The following SNRPN variants were observed in gnomAD, a reference collection of about 807,000 sequenced individuals.
The protein encoded by SNRPN is small nuclear ribonucleoprotein-associated protein N.
A neutral mutation model predicts 25.2 loss-of-function variants in SNRPN; 7 were observed. The observed-to-expected ratio is 0.28, with a 90% confidence interval of 0.16 to 0.52. SNRPN has a LOEUF of 0.52. Ranked by LOEUF, SNRPN falls within the 20% of genes least tolerant of loss-of-function variation. The probability of loss-of-function intolerance (pLI) is 0.96; values close to 1 mark genes in which losing one functional copy is unlikely to be tolerated. For synonymous variants in SNRPN, 124 were observed against 110.6 expected, an observed-to-expected ratio of 1.12 and a Z score of -0.76; for missense variants, 196 against 322.5, an observed-to-expected ratio of 0.61 and a Z score of 3.00.
upstream of SNRPN, among the ~76,000 whole-genome samples, chr15:24,856,266 T>A (rs146248570): frequency 6.6e-6 from 1 of 152,198 alleles, no homozygotes; most frequent in African/African-American, 2.4e-5. Flanking sequence ...TCACTATTAC[T>A]GATGACACTT....
intron 1 of SNRPN, among the ~76,000 whole-genome samples, chr15:24,858,065 A>C (rs979817481): frequency 6.6e-6 from 1 of 152,118 alleles, no homozygotes; most frequent in Non-Finnish European, 1.5e-5. Flanking sequence ...AATAGATCTC[A>C]AGCACTGACT....
At chr15:24,960,326 T>C (rs1444637451) in intron 1 of SNRPN, among the ~76,000 whole-genome samples, 9 of 152,144 alleles carry the variant, frequency 5.9e-5, no homozygotes, top group Non-Finnish European at 1.5e-5. Flanking sequence ...TGGTGTCAGA[T>C]GGTGGCATTT....
upstream of SNRPN, among the ~76,000 whole-genome samples, chr15:24,855,506 A>G (rs922725380): frequency 6.6e-6 from 1 of 152,132 alleles, no homozygotes; most frequent in Admixed American, 6.5e-5. Context: ...ATGTTACTCT[A>G]GGGCCAGGCG....
At chr15:24,842,438 C>A (rs1240041039) in intron 2 of SNRPN, among the ~76,000 whole-genome samples, 1 of 152,160 alleles carries the variant, frequency 6.6e-6, no homozygotes, top group Non-Finnish European at 1.5e-5. Flanking sequence ...GAAGCCTAGG[C>A]TCCATTCTGA....
In SNRPN at chr15:24,929,153, GTATA is replaced by G. The variant is rs544255180; in HGVS notation, c.-391+9033_-391+9036del. Among the ~76,000 whole-genome samples the G allele has an allele frequency of 1.6e-3, 243 of 151,972 alleles. 2 individuals are homozygous for G. Among genetic ancestry groups the G allele is most frequent in the African/African-American group, 5.6e-3 (231 of 41,292 alleles). On this transcript the variant is annotated intron_variant, in intron 3 of 11. Coordinates refer to the SNRPN transcript ENST00000400097. The surrounding 1 kb of genome is among the most constrained non-coding windows in gnomAD (Gnocchi z 5.3). ...ATATGTATGTGACTATATGTATTGTGTATATATGTATGTAGCTATATGTGTGTAT... is the reference window on the plus strand; with the variant it reads ...ATATGTATGTGACTATATGTATTGTGTATGTATGTAGCTATATGTGTGTAT...
At chr15:24,907,402 CCTGA>C (rs1246046387) in intron 2 of SNRPN, among the ~76,000 whole-genome samples, 4 of 151,866 alleles carry the variant, frequency 2.6e-5, no homozygotes, top group Non-Finnish European at 4.4e-5. Flanking sequence ...TCGAGACCAT[CCTGA>C]CTAACATGGT....
chr15:24,880,807 G>A (rs995574335), intron 1 of SNRPN, among the ~76,000 whole-genome samples: 3 of 151,884 alleles, frequency 2.0e-5, no homozygotes, highest in Non-Finnish European at 4.4e-5. Context: ...GGAATGGCAT[G>A]ATCTTGGCTC....
intron 6 of SNRPN, 37 bp from the exon 7 acceptor site, chr15:24,976,840 A>G (rs2077118792): frequency 6.3e-7 from 1 of 1,587,538 alleles, no homozygotes; most frequent in Non-Finnish European, 8.6e-7. Context: ...GAACTTGTAA[A>G]TTGTTTGATT....
At chr15:24,882,584 T>G (rs998517178) in intron 1 of SNRPN, among the ~76,000 whole-genome samples, 10 of 151,996 alleles carry the variant, frequency 6.6e-5, no homozygotes, top group Admixed American at 2.0e-4. Flanking sequence ...TCCAGCACTT[T>G]GGGAGGCTGA....
chr15:24,882,878 T>C (rs2056857256), intron 1 of SNRPN, among the ~76,000 whole-genome samples: 2 of 151,122 alleles, frequency 1.3e-5, no homozygotes, highest in African/African-American at 4.9e-5. Flanking sequence ...ATATATCTAA[T>C]CTATTGAATA....
chr15:24,826,341 C>A (rs927931027), intron 1 of SNRPN, among the ~76,000 whole-genome samples: 19 of 152,200 alleles, frequency 1.2e-4, no homozygotes, highest in Non-Finnish European at 2.9e-5. Context: ...CCTTGCTGCT[C>A]CACAGCAGGG....
upstream of SNRPN, among the ~76,000 whole-genome samples, chr15:24,949,971 C>T (rs145697500): frequency 2.8e-3 from 420 of 151,648 alleles, 3 homozygotes; most frequent in African/African-American, 9.6e-3. Context: ...ACTAGAGGTG[C>T]ACACCACTAT....
At chr15:24,909,025 C>T in intron 2 of SNRPN, 1 of 1,425,356 alleles carries the variant, frequency 7.0e-7, no homozygotes, top group Non-Finnish European at 9.9e-7. Context: ...TGGGATGGTT[C>T]CACCTCTTCT....
intron 2 of SNRPN, among the ~76,000 whole-genome samples, chr15:24,889,098 A>G (rs910833549): frequency 3.3e-5 from 5 of 150,616 alleles, no homozygotes; most frequent in Non-Finnish European, 7.4e-5. Flanking sequence ...TTATATTTTT[A>G]ATAGAGACAG....
At position 24,864,689 on chromosome 15, in the gene SNRPN, C is replaced by G. The variant is rs4906925; in HGVS notation, c.-579+7973C>G. Among the ~76,000 whole-genome samples, 1,403 of 151,612 alleles carry G rather than the reference C, an allele frequency of 9.3e-3. 13 individuals are homozygous for G. Among genetic ancestry groups the G allele is most frequent in the Non-Finnish European group, 0.014 (945 of 67,908 alleles). ...TGCTTTGTTTTTAATAGATACATTT[C>G]CCCCCTATGCTCCCTCACTGCATTC... On this transcript the variant is annotated intron_variant, in intron 1 of 11. Coordinates refer to the SNRPN transcript ENST00000400097.
At chr15:24,906,420 A>G (rs1487919166) in intron 2 of SNRPN, among the ~76,000 whole-genome samples, 2 of 152,222 alleles carry the variant, frequency 1.3e-5, no homozygotes, top group African/African-American at 2.4e-5. Flanking sequence ...GACATGAGCC[A>G]CCGTACATGG....
In SNRPN at chr15:24,865,733, ATATCT is replaced by A. The variant is rs149595084; in HGVS notation, c.-579+9021_-579+9025del. Among the ~76,000 whole-genome samples, 793 of 152,200 alleles carry A rather than the reference ATATCT, an allele frequency of 5.2e-3. 6 individuals carry two copies. Among genetic ancestry groups the A allele is most frequent in the Middle Eastern group, 0.02 (6 of 294 alleles). ...GGCCTTAGGTCTTATTTATAATTTG[ATATCT>A]TATTGCCACCAAGAAGAGTTCATTC... On this transcript the variant is annotated intron_variant, in intron 1 of 11. Transcript: ENST00000400097.
At chr15:24,932,016 G>A (rs1258483277) in intron 3 of SNRPN, among the ~76,000 whole-genome samples, 3 of 152,030 alleles carry the variant, frequency 2.0e-5, no homozygotes, top group South Asian at 4.1e-4. Context: ...AACTGGTGCT[G>A]TTTGAAGTTA....
intron 1 of SNRPN, among the ~76,000 whole-genome samples, chr15:24,864,000 T>TG (rs2054273161): frequency 7.0e-6 from 1 of 142,994 alleles, no homozygotes; most frequent in African/African-American, 2.7e-5. Flanking sequence ...TTTTTTAAAT[T>TG]TTATTTATTT....
Sources: allele counts gnomAD v4.1 joint callset (sites outside exome capture counted in the v4.1 genomes callset), GRCh38; gene constraint gnomAD v4.1.1; non-coding constraint Gnocchi (gnomAD v3.1); transcripts MANE v1.5; gene names NCBI Gene and HGNC (gene_info 2026-07-23, HGNC 2026-07-21).